The following NFIA variants were observed in gnomAD, a reference collection of about 807,000 sequenced individuals.
NFIA encodes the protein nuclear factor I A.
Under a neutral mutation model 62.8 loss-of-function variants are expected in NFIA, and 8 were observed. That is an observed-to-expected ratio of 0.13 (90% confidence interval 0.07 to 0.23). The LOEUF is 0.23. Ranked by LOEUF, NFIA falls within the 10% of genes least tolerant of loss-of-function variation. NFIA has a pLI of 1.00. For synonymous variants in NFIA, 235 were observed against 238.1 expected (o/e 0.99, Z 0.12); for missense variants, 410 against 642.1 (o/e 0.64, Z 3.91).
At chr1:61,285,146 C>G (rs569714326) in intron 3 of NFIA, among the ~76,000 whole-genome samples, 4 of 152,240 alleles carry the variant, frequency 2.6e-5, no homozygotes, top group Non-Finnish European at 5.9e-5. Flanking sequence ...CTCCATCTGC[C>G]ATTGCTCTGT....
At position 61,450,405 on chromosome 1, in the gene NFIA, C is replaced by A. The variant is rs554775456; in HGVS notation, c.1513-4898C>A. ...GCTAAACAGTAGGCTTTAGTCCATC[C>A]ACAGAAGTGCGGGAAGCCAAAAATG... On this transcript the variant is annotated intron_variant, in intron 10 of 10. Coordinates refer to ENST00000403491, the MANE Select transcript of NFIA (RefSeq NM_001134673.4). 5.9e-5 allele frequency among the ~76,000 whole-genome samples: 9 copies of A among 152,250 alleles called. No individual in the cohort carries two copies. In the East Asian group the frequency reaches 1.2e-3, roughly 20 times the overall value.
At chr1:61,332,467 C>T in intron 3 of NFIA, 45 bp from the exon 4 acceptor site, 1 of 1,544,184 alleles carries the variant, frequency 6.5e-7, no homozygotes. Context: ...TGTCAAATGT[C>T]TTGTATTTAT....
At chr1:61,355,508 C>T (rs528224835) in intron 5 of NFIA, among the ~76,000 whole-genome samples, 4 of 152,238 alleles carry the variant, frequency 2.6e-5, no homozygotes, top group South Asian at 2.1e-4. Flanking sequence ...AAAGTTGTCT[C>T]GGAAGCCTCC....
intron 6 of NFIA, among the ~76,000 whole-genome samples, chr1:61,364,544 A>G (rs1001482410): frequency 1.3e-5 from 2 of 152,226 alleles, no homozygotes; most frequent in Admixed American, 1.3e-4. Context: ...CGTAAGCAGA[A>G]CAATTGCTTA....
At chr1:61,105,971 G>GT (rs1646590781) in intron 2 of NFIA, among the ~76,000 whole-genome samples, 2 of 151,360 alleles carry the variant, frequency 1.3e-5, no homozygotes, top group Admixed American at 6.6e-5. Context: ...AAAAAAAATT[G>GT]TTTTTTGGAG....
chr1:61,395,727 G>A (rs1158499851), intron 7 of NFIA, among the ~76,000 whole-genome samples: 3 of 152,130 alleles, frequency 2.0e-5, no homozygotes, highest in Non-Finnish European at 4.4e-5. Flanking sequence ...ATTAGTGTGA[G>A]AATATGGTCA....
intron 1 of NFIA, among the ~76,000 whole-genome samples, chr1:61,083,614 G>A (rs1036335454): frequency 1.3e-5 from 2 of 151,710 alleles, no homozygotes; most frequent in African/African-American, 4.8e-5. Flanking sequence ...CTCTCCCGGA[G>A]TGAAAGTTTC....
intron 2 of NFIA, among the ~76,000 whole-genome samples, chr1:61,212,914 G>A (rs916097782): frequency 6.6e-6 from 1 of 152,158 alleles, no homozygotes. Flanking sequence ...GCTTTGCCTG[G>A]TTCTGCTAAT....
At chr1:61,372,447 G>A (rs557677286) in intron 6 of NFIA, among the ~76,000 whole-genome samples, 1 of 152,088 alleles carries the variant, frequency 6.6e-6, no homozygotes, top group South Asian at 2.1e-4. Flanking sequence ...AGCAGAAACA[G>A]CCTGCTAATC....
intron 2 of NFIA, among the ~76,000 whole-genome samples, chr1:61,164,164 A>T (rs1649409019): frequency 6.6e-6 from 1 of 152,136 alleles, no homozygotes; most frequent in African/African-American, 2.4e-5. Flanking sequence ...ACTAATACCA[A>T]CAAGAATTTA....
intron 6 of NFIA, among the ~76,000 whole-genome samples, chr1:61,361,992 C>G (rs1298848876): frequency 2.6e-5 from 4 of 151,952 alleles, no homozygotes; most frequent in African/African-American, 7.3e-5. Flanking sequence ...ACTCAGCAAG[C>G]GCAGAAAGTC....
upstream of NFIA, among the ~76,000 whole-genome samples, chr1:61,080,224 C>G (rs1365553652): frequency 2.6e-5 from 4 of 152,152 alleles, no homozygotes; most frequent in African/African-American, 9.6e-5. Flanking sequence ...CGGGGCACAT[C>G]CACTGCTGCA....
chr1:61,080,546 T>C (rs987976603), upstream of NFIA, among the ~76,000 whole-genome samples: 1 of 152,154 alleles, frequency 6.6e-6, no homozygotes, highest in Non-Finnish European at 1.5e-5. Context: ...TTGGAGCGCA[T>C]TGAAGTTATA....
Position 61,406,553 on chromosome 1 carries a change from C to A in NFIA, c.1255-9C>A, listed in dbSNP as rs374963406. On this transcript the variant is annotated splice_polypyrimidine_tract_variant and intron_variant, in intron 8 of 10. Coordinates refer to ENST00000403491, the MANE Select transcript of NFIA (RefSeq NM_001134673.4). The stretch of plus-strand genomic sequence containing the variant: ...GTACGTGTGTTTTCTGCCCCCCCCC[C>A]CCCCACAGCCCAATGGGAGCAGCCA... 2.0e-4 allele frequency: 264 copies of A among 1,319,296 alleles called. 6 individuals are homozygous for A. The highest frequency in any genetic ancestry group is 5.1e-4 in the South Asian group (36 of 71,272). 81.7% of individuals were successfully genotyped at this position (1,319,296 alleles called of 1,614,324 possible). A position where few individuals can be genotyped will look rare whatever the true frequency, so the allele number is the denominator to read the frequency against.
Position 61,233,206 on chromosome 1 carries a change from A to C in NFIA, c.560-44314A>C, listed in dbSNP as rs116245265. 8.0e-3 allele frequency among the ~76,000 whole-genome samples: 1,222 copies of C among 152,314 alleles called. 15 individuals carry two copies. The highest frequency in any genetic ancestry group is 0.028 in the African/African-American group (1,167 of 41,564). ...TGTAGATGAAAGGCAGCCTAGAAAA[A>C]ATCTTATACAGAAATTATTCTCAAA... On this transcript the variant is annotated intron_variant, in intron 2 of 10. Transcript: ENST00000403491.
chr1:61,207,921 T>C (rs1653000795), intron 2 of NFIA, among the ~76,000 whole-genome samples: 1 of 150,198 alleles, frequency 6.7e-6, no homozygotes, highest in South Asian at 2.1e-4. Flanking sequence ...GAATGAGGAG[T>C]GAAAGGAGTC....
At chr1:61,412,991 T>C (rs1388133306) in intron 9 of NFIA, among the ~76,000 whole-genome samples, 1 of 152,154 alleles carries the variant, frequency 6.6e-6, no homozygotes, top group Non-Finnish European at 1.5e-5. Flanking sequence ...TCTAGAGATA[T>C]AATAGAAAGA....
chr1:61,324,801 A>G (rs1035477770), intron 3 of NFIA, among the ~76,000 whole-genome samples: 1 of 152,212 alleles, frequency 6.6e-6, no homozygotes, highest in Non-Finnish European at 1.5e-5. Context: ...TCATCAAGGT[A>G]AAGAGAGCTG....
intron 3 of NFIA, among the ~76,000 whole-genome samples, chr1:61,297,714 A>G (rs1282890643): frequency 1.3e-5 from 2 of 152,202 alleles, no homozygotes; most frequent in African/African-American, 2.4e-5. Flanking sequence ...GGTGATAGGC[A>G]GGTTTGCACC....
Sources: gnomAD v4.1 joint callset for allele counts (sites outside exome capture counted in the v4.1 genomes callset) on GRCh38, gnomAD v4.1.1 for gene constraint, MANE v1.5 for transcripts, NCBI Gene and HGNC (gene_info 2026-07-23, HGNC 2026-07-21) for gene names.